The following CREB3L2 variants were observed in gnomAD, a reference collection of about 807,000 sequenced individuals.
CREB3L2 encodes cyclic AMP-responsive element-binding protein 3-like protein 2.
A neutral mutation model predicts 57.2 loss-of-function variants in CREB3L2; 23 were observed. The observed-to-expected ratio is 0.40, with a 90% CI of 0.29 to 0.57. CREB3L2 has a LOEUF of 0.57. CREB3L2 is among the 20% of genes least tolerant of loss of function. The probability of loss-of-function intolerance (pLI) is 0.42; values close to 1 mark genes in which losing one functional copy is unlikely to be tolerated. For synonymous variants in CREB3L2, 268 were observed against 265.1 expected (o/e 1.01, Z -0.11); for missense variants, 628 against 634.7 (o/e 0.99, Z 0.11).
At chr7:137,937,248 G>T (rs1210493591) in intron 1 of CREB3L2, among the ~76,000 whole-genome samples, 2 of 152,206 alleles carry the variant, frequency 1.3e-5, no homozygotes, top group Non-Finnish European at 2.9e-5. Flanking sequence ...AAGGGAGTGT[G>T]GCAAGAGCAA....
intron 1 of CREB3L2, among the ~76,000 whole-genome samples, chr7:137,968,572 G>A (rs1405525930): frequency 2.0e-5 from 3 of 152,162 alleles, no homozygotes; most frequent in Non-Finnish European, 4.4e-5. Flanking sequence ...AGTATTCCAT[G>A]GTGTATATGT....
At chr7:137,975,955 G>A (rs1801600636) in intron 1 of CREB3L2, among the ~76,000 whole-genome samples, 2 of 152,212 alleles carry the variant, frequency 1.3e-5, no homozygotes, top group African/African-American at 2.4e-5. Flanking sequence ...GACACTGAGT[G>A]GGAGGCCGAG....
At position 137,879,206 on chromosome 7, in the gene CREB3L2, T is replaced by G. The variant is rs1320037986; in HGVS notation, c.*1270A>C. 1.9e-6 allele frequency: 1 copy of G among 533,240 alleles called. No individual in the cohort carries two copies. The highest frequency in any genetic ancestry group is 3.9e-5 in the East Asian group (1 of 25,550). 33.0% of individuals were successfully genotyped at this position (533,240 alleles called of 1,614,324 possible). A position where few individuals can be genotyped will look rare whatever the true frequency, so the allele number is the denominator to read the frequency against. On this transcript the variant is annotated 3_prime_UTR_variant, in exon 12 of 12. Transcript: ENST00000330387. Reference sequence around the variant, plus strand: ...AAAAAACTAAAAGTAGGTTGGGGATTAGGTTGTATCTCTTTGGGCGAGCTG... The same window carrying G: ...AAAAAACTAAAAGTAGGTTGGGGATGAGGTTGTATCTCTTTGGGCGAGCTG...
chr7:137,957,504 C>T (rs1801240179), intron 1 of CREB3L2, among the ~76,000 whole-genome samples: 1 of 152,120 alleles, frequency 6.6e-6, no homozygotes, highest in South Asian at 2.1e-4. Flanking sequence ...ATTATACAAC[C>T]CCAAGTCCTC....
chr7:137,965,090 A>C (rs937776213), intron 1 of CREB3L2, among the ~76,000 whole-genome samples: 4 of 152,174 alleles, frequency 2.6e-5, no homozygotes, highest in Non-Finnish European at 5.9e-5. Context: ...CTCTAGTTCT[A>C]CTACAGAGAT....
Position 137,922,435 on chromosome 7 carries a change from T to C in CREB3L2, c.319+5715A>G, listed in dbSNP as rs1164433534. On this transcript the variant is annotated intron_variant, in intron 2 of 11. Transcript: ENST00000330387. Reference sequence around the variant, plus strand: ...ATATATGTATATATATATATATATATACGTATATATATATATATACACACA... The same window carrying C: ...ATATATGTATATATATATATATATACACGTATATATATATATATACACACA... Among the ~76,000 whole-genome samples the C allele has an allele frequency of 7.4e-3, 351 of 47,118 alleles. 70 individuals are homozygous for C. The East Asian group carries it at 0.1, about 14-fold the overall frequency. The allele number at this position is 47,118 out of a possible 152,430, so 30.9% of individuals were successfully genotyped here. A position where few individuals can be genotyped will look rare whatever the true frequency, so the allele number is the denominator to read the frequency against.
intron 10 of CREB3L2, 52 bp downstream of exon 10, chr7:137,884,938 ACCCAG>A: frequency 6.2e-7 from 1 of 1,607,466 alleles, no homozygotes; most frequent in Non-Finnish European, 8.5e-7. Flanking sequence ...AGACTGAGAA[ACCCAG>A]CTCTAGGGAA....
chr7:137,946,441 AC>A (rs1390848883), intron 1 of CREB3L2, among the ~76,000 whole-genome samples: 30 of 151,366 alleles, frequency 2.0e-4, no homozygotes, highest in African/African-American at 2.4e-4. Context: ...AAAAAAAAAA[AC>A]AACCCTGAAT....
intron 4 of CREB3L2, among the ~76,000 whole-genome samples, chr7:137,909,252 A>G (rs1799956745): frequency 6.6e-6 from 1 of 152,142 alleles, no homozygotes; most frequent in South Asian, 2.1e-4. Flanking sequence ...AATAAGTGAG[A>G]GTGCAGTGGG....
At chr7:137,908,499 T>C in intron 4 of CREB3L2, 63 bp from the exon 5 acceptor site, 1 of 1,201,226 alleles carries the variant, frequency 8.3e-7, no homozygotes, top group East Asian at 3.2e-5. Flanking sequence ...AACTGATTTG[T>C]GGCATAGCAA....
rs201854864 is a variant in CREB3L2, at chr7:137,997,458, CACCTGT to C, written c.102+4140_102+4145del. Among the ~76,000 whole-genome samples the C allele has an allele frequency of 2.0e-3, 299 of 152,236 alleles. 2 individuals carry two copies. The highest frequency in any genetic ancestry group is 6.9e-3 in the African/African-American group (286 of 41,536). On this transcript the variant is annotated intron_variant, in intron 1 of 11. Transcript: ENST00000330387. ...AAAGGGGGCTGAGCACAGTGGCTCACACCTGTAATCCCAGCACTTTGGGAGGCCAAG... is the reference window on the plus strand; with the variant it reads ...AAAGGGGGCTGAGCACAGTGGCTCACAATCCCAGCACTTTGGGAGGCCAAG...
At chr7:137,915,130 G>GATA in intron 3 of CREB3L2, among the ~76,000 whole-genome samples, 1 of 152,062 alleles carries the variant, frequency 6.6e-6, no homozygotes, top group Admixed American at 6.5e-5. Context: ...AGCTAAGACA[G>GATA]GCTTCCAACA....
At chr7:137,969,268 G>A (rs1471842930) in intron 1 of CREB3L2, among the ~76,000 whole-genome samples, 1 of 151,954 alleles carries the variant, frequency 6.6e-6, no homozygotes, top group Admixed American at 6.6e-5. Context: ...GGACAACTAG[G>A]GCAATTTGAA....
At chr7:137,932,683 C>T (rs1383655592) in intron 1 of CREB3L2, among the ~76,000 whole-genome samples, 2 of 152,212 alleles carry the variant, frequency 1.3e-5, no homozygotes, top group African/African-American at 2.4e-5. Flanking sequence ...CCTCTCCCTA[C>T]GCCACTTTAC....
chr7:137,912,832 T>C (rs1211871009), intron 4 of CREB3L2, 159 bp downstream of exon 4: 1 of 1,524,588 alleles, frequency 6.6e-7, no homozygotes, highest in Non-Finnish European at 8.8e-7. Context: ...AATTTTTATT[T>C]GGAAGCAAAA....
intron 7 of CREB3L2, among the ~76,000 whole-genome samples, chr7:137,902,319 T>C (rs960340647): frequency 6.6e-6 from 1 of 151,806 alleles, no homozygotes; most frequent in African/African-American, 2.4e-5. Flanking sequence ...ACCTCCTCCC[T>C]AGTGTTCTCA....
Position 138,001,554 on chromosome 7 carries a change from A to T in CREB3L2, c.102+50T>A. 7.9e-7 allele frequency: 1 copy of T among 1,268,642 alleles called. No individual in the cohort carries two copies. The highest frequency in any genetic ancestry group is 2.5e-5 in the East Asian group (1 of 40,356). 78.6% of individuals were successfully genotyped at this position (1,268,642 alleles called of 1,614,324 possible). ...GGACTCCAGCTGCTCCTCGCGTGAC[A>T]ACACTTGCCCGCTTTGAAAGCCCTC... On this transcript the variant is annotated intron_variant, in intron 1 of 11. Transcript: ENST00000330387. This position sits in a 1 kb window ranked among gnomAD's most constrained non-coding sequence, Gnocchi z 4.2.
intron 2 of CREB3L2, among the ~76,000 whole-genome samples, chr7:137,924,029 C>T (rs1432674073): frequency 6.6e-6 from 1 of 152,168 alleles, no homozygotes; most frequent in Non-Finnish European, 1.5e-5. Flanking sequence ...ACCTCACAGA[C>T]TACTGTGTTC....
intron 1 of CREB3L2, among the ~76,000 whole-genome samples, chr7:137,947,318 T>C (rs1801015887): frequency 6.6e-6 from 1 of 152,064 alleles, no homozygotes; most frequent in South Asian, 2.1e-4. Flanking sequence ...AAGAGAAAAC[T>C]AATATACCCA....
Sources: gnomAD v4.1 joint callset for allele counts (sites outside exome capture counted in the v4.1 genomes callset) on GRCh38, gnomAD v4.1.1 for gene constraint, Gnocchi (gnomAD v3.1) non-coding constraint, MANE v1.5 for transcripts, NCBI Gene and HGNC (gene_info 2026-07-23, HGNC 2026-07-21) for gene names.